The following TGM5 variants were observed in gnomAD, a reference collection of about 807,000 sequenced individuals.
TGM5 encodes the protein transglutaminase 5.
In TGM5, 69 loss-of-function variants were observed where a neutral mutation model predicts 77.2. The ratio of observed to expected loss-of-function variants is 0.89; its 90% CI spans 0.74 to 1.09. The LOEUF is 1.09. Among genes scored for constraint, TGM5 ranks in the 50% least tolerant of loss-of-function variants. The pLI is 0.00. For synonymous variants in TGM5, 346 were observed against 351.8 expected (o/e 0.98, Z 0.18); for missense variants, 842 against 896.5 (o/e 0.94, Z 0.78).
At chr15:43,256,782 G>T in intron 3 of TGM5, 96 bp from the exon 4 acceptor site, 1 of 954,272 alleles carries the variant, frequency 1.0e-6, no homozygotes, top group Non-Finnish European at 1.7e-6. Context: ...CGGTTCTGGA[G>T]CAAGGGCCCC....
Position 43,232,929 on chromosome 15 carries a change from A to G in TGM5, c.*262T>C. The G allele has an allele frequency of 2.1e-6, 1 of 486,844 alleles. No individual in the cohort carries two copies. The highest frequency in any genetic ancestry group is 3.9e-5 in the East Asian group (1 of 25,320). 30.2% of individuals were successfully genotyped at this position (486,844 alleles called of 1,614,324 possible). On this transcript the variant is annotated 3_prime_UTR_variant, in exon 13 of 13. Coordinates refer to ENST00000220420, the MANE Select transcript of TGM5 (RefSeq NM_201631.4). The stretch of plus-strand genomic sequence containing the variant: ...CTGGAGTCTCCTATTCATTCATTCA[A>G]AAAATATTTGTTGAGTGCCTAGCAT...
At chr15:43,240,403 C>T (rs1194951419) in intron 7 of TGM5, among the ~76,000 whole-genome samples, 1 of 152,176 alleles carries the variant, frequency 6.6e-6, no homozygotes, top group East Asian at 1.9e-4. Flanking sequence ...GACAATTTCC[C>T]CTGTATCTTT....
chr15:43,266,358 G>T (rs2042824629), intron 1 of TGM5, among the ~76,000 whole-genome samples: 1 of 152,222 alleles, frequency 6.6e-6, no homozygotes, highest in South Asian at 2.1e-4. Flanking sequence ...GTGATGGGAA[G>T]ATTAGCTAAG....
At position 43,232,810 on chromosome 15, in the gene TGM5, G is replaced by A. The variant is rs545867076; in HGVS notation, c.*381C>T. 2.6e-5 allele frequency: 7 copies of A among 267,710 alleles called. No individual in the cohort carries two copies. Among genetic ancestry groups the A allele is most frequent in the South Asian group, 4.4e-5 (1 of 22,616 alleles). The allele number at this position is 267,710 out of a possible 1,614,324, so 16.6% of individuals were successfully genotyped here. ...CTGGAATCTCTGGATGGGACACAGT[G>A]GAATCCCTGGGCCCTGAAAAGAGTC... On this transcript the variant is annotated 3_prime_UTR_variant, in exon 13 of 13. Coordinates refer to ENST00000220420, the MANE Select transcript of TGM5 (RefSeq NM_201631.4).
At chr15:43,247,589 G>A (rs1390700236) in intron 6 of TGM5, 2 of 151,598 alleles carry the variant, frequency 1.3e-5, no homozygotes, top group Non-Finnish European at 2.9e-5. Flanking sequence ...ATGCCCAAAG[G>A]GAGTTATAGA....
At chr15:43,262,577 G>C (rs1181668217) in intron 1 of TGM5, among the ~76,000 whole-genome samples, 1 of 152,120 alleles carries the variant, frequency 6.6e-6, no homozygotes, top group Non-Finnish European at 1.5e-5. Context: ...ACAAGGTCAG[G>C]AGTTCAAGAC....
rs139682089 is a variant in TGM5 at position 43,258,407 on chromosome 15, C to T, written c.436+1645G>A. Reference sequence around the variant, plus strand: ...ACCTAAAATAAAGGTTAAAAATTATCTTTTTAAAGTTAAGAACAAACAAAC... The same window carrying T: ...ACCTAAAATAAAGGTTAAAAATTATTTTTTTAAAGTTAAGAACAAACAAAC... On this transcript the variant is annotated intron_variant, in intron 3 of 12. Transcript: ENST00000220420. Among the ~76,000 whole-genome samples, 1,476 of 152,210 alleles carry T rather than the reference C, an allele frequency of 9.7e-3. 73 individuals are homozygous for T. Among genetic ancestry groups the T allele is most frequent in the Admixed American group, 0.086 (1,308 of 15,294 alleles).
intron 11 of TGM5, among the ~76,000 whole-genome samples, 161 bp downstream of exon 11, chr15:43,234,608 A>G (rs2042573093): frequency 6.6e-6 from 1 of 152,178 alleles, no homozygotes; most frequent in Non-Finnish European, 1.5e-5. Flanking sequence ...CAAGAGGATG[A>G]AGATCTCTCA....
intron 7 of TGM5, among the ~76,000 whole-genome samples, chr15:43,240,455 G>A (rs2042626404): frequency 6.6e-6 from 1 of 151,366 alleles, no homozygotes; most frequent in South Asian, 2.1e-4. Context: ...GTTAATTAAT[G>A]TGTATGCCTT....
intron 4 of TGM5, among the ~76,000 whole-genome samples, chr15:43,255,346 C>G (rs767762006): frequency 1.3e-5 from 2 of 151,950 alleles, no homozygotes; most frequent in African/African-American, 2.4e-5. Flanking sequence ...AAACAAAAAG[C>G]AAGACAACAA....
chr15:43,243,799 C>T (rs921825241), intron 6 of TGM5, among the ~76,000 whole-genome samples: 1 of 152,216 alleles, frequency 6.6e-6, no homozygotes, highest in African/African-American at 2.4e-5. Flanking sequence ...CCAGCCTTCT[C>T]GGTCTTCCTT....
intron 1 of TGM5, among the ~76,000 whole-genome samples, chr15:43,266,117 A>G (rs2042822973): frequency 6.6e-6 from 1 of 152,252 alleles, no homozygotes; most frequent in South Asian, 2.1e-4. Flanking sequence ...AGCTTTATCT[A>G]TAATTATTTA....
intron 4 of TGM5, among the ~76,000 whole-genome samples, chr15:43,254,965 T>C (rs1430230933): frequency 6.6e-6 from 1 of 152,128 alleles, no homozygotes; most frequent in Non-Finnish European, 1.5e-5. Context: ...AATGTTGTAT[T>C]CATTTTCATA....
At chr15:43,259,520 C>G (rs772248333) in intron 3 of TGM5, among the ~76,000 whole-genome samples, 1 of 150,094 alleles carries the variant, frequency 6.7e-6, no homozygotes, top group Non-Finnish European at 1.5e-5. Flanking sequence ...ATTGTAGAAT[C>G]ACACACACAC....
chr15:43,240,222 G>C (rs2042624552), intron 7 of TGM5, among the ~76,000 whole-genome samples: 1 of 152,154 alleles, frequency 6.6e-6, no homozygotes, highest in Non-Finnish European at 1.5e-5. Flanking sequence ...ATTCTAGAGA[G>C]GGTTCTGCCC....
In TGM5 at chr15:43,240,858, G is replaced by A; in HGVS notation, c.995C>T (p.Thr332Ile). Residue 332 changes from threonine (T) to isoleucine (I), a missense_variant, in exon 7 of 13, where the codon ACT becomes ATT. Thr to Ile is a moderately conservative substitution (Grantham distance 89). This residue lies in a region of TGM5 where 815 missense variants were observed against 844.6 expected (regional missense o/e 0.96). Coordinates refer to ENST00000220420, the MANE Select transcript of TGM5 (RefSeq NM_201631.4). ...GRILGNKKKD[T>I]IWNFHVWNEC... is the part of the protein sequence containing the mutation. Reference sequence around the variant, plus strand: ...TTGAGAGGTTGTTTCTCACCAGATAGTATCCTTCTTCTTATTCCCCAAAAT... The same window carrying A: ...TTGAGAGGTTGTTTCTCACCAGATAATATCCTTCTTCTTATTCCCCAAAAT... 1.2e-6 allele frequency: 2 copies of A among 1,614,134 alleles called. No homozygotes were observed. The highest frequency in any genetic ancestry group is 2.2e-5 in the South Asian group (2 of 91,084).
chr15:43,259,776 T>C (rs2042771069), intron 3 of TGM5, among the ~76,000 whole-genome samples: 1 of 152,256 alleles, frequency 6.6e-6, no homozygotes, highest in Non-Finnish European at 1.5e-5. Context: ...CTTAAAATTA[T>C]ATGATGAAGG....
In TGM5 at chr15:43,256,556, G is replaced by A; in HGVS notation, c.555+12C>T. The A allele has an allele frequency of 6.2e-7, 1 of 1,605,808 alleles. No homozygotes were observed. Among genetic ancestry groups the A allele is most frequent in the Non-Finnish European group, 8.5e-7 (1 of 1,172,468 alleles). On this transcript the variant is annotated intron_variant, in intron 4 of 12. Transcript: ENST00000220420. Reference sequence around the variant, plus strand: ...GGGGCCGGGATGGGCCATAAGCAGGGCTGAGACTCACCTGTCCATAGTTCC... The same window carrying A: ...GGGGCCGGGATGGGCCATAAGCAGGACTGAGACTCACCTGTCCATAGTTCC...
chr15:43,236,454 G>A (rs1034599005), intron 9 of TGM5, among the ~76,000 whole-genome samples: 1 of 152,094 alleles, frequency 6.6e-6, no homozygotes, highest in Admixed American at 6.6e-5. Flanking sequence ...CTATCCTGGG[G>A]GTCCCTGTGG....
Sources: allele counts gnomAD v4.1 joint callset (sites outside exome capture counted in the v4.1 genomes callset), GRCh38; gene constraint gnomAD v4.1.1; regional missense constraint gnomAD v4.1.1; transcripts MANE v1.5; gene names NCBI Gene and HGNC (gene_info 2026-07-23, HGNC 2026-07-21).